Variants in NIBAN1 observed in about 807,000 individuals in gnomAD.
The protein encoded by NIBAN1 is protein Niban 1.
A neutral mutation model predicts 75.1 loss-of-function variants in NIBAN1; 81 were observed. That is an observed-to-expected ratio of 1.08 (90% confidence interval 0.90 to 1.30). The LOEUF (loss-of-function observed/expected upper bound fraction) is 1.30. Ranked by LOEUF, NIBAN1 falls within the 50% of genes most tolerant of loss-of-function variation. The pLI is 0.00. For synonymous variants in NIBAN1, 436 were observed against 424.8 expected, an observed-to-expected ratio of 1.03 and a Z score of -0.32; for missense variants, 1,133 against 1,128.1, an observed-to-expected ratio of 1.00 and a Z score of -0.06.
At chr1:184,801,877 C>A (rs965251372) in intron 12 of NIBAN1, among the ~76,000 whole-genome samples, 4 of 152,138 alleles carry the variant, frequency 2.6e-5, no homozygotes, top group African/African-American at 9.7e-5. Flanking sequence ...ATGAAGTGAC[C>A]AACTTTACAA....
intron 4 of NIBAN1, among the ~76,000 whole-genome samples, chr1:184,889,442 C>T (rs1451272385): frequency 1.3e-5 from 2 of 148,876 alleles, no homozygotes; most frequent in Admixed American, 1.3e-4. Flanking sequence ...TAATGCAATG[C>T]TTTTTTTTTT....
chr1:184,825,367 C>T (rs1338206099), intron 6 of NIBAN1, among the ~76,000 whole-genome samples: 2 of 151,770 alleles, frequency 1.3e-5, no homozygotes, highest in African/African-American at 4.9e-5. Context: ...CTGCTCATGG[C>T]CTGTCTAATA....
chr1:184,887,835 G>A (rs1420846384), intron 4 of NIBAN1: 1 of 152,098 alleles, frequency 6.6e-6, no homozygotes, highest in Non-Finnish European at 1.5e-5. Flanking sequence ...AAAACACGGG[G>A]GCATTTTTTT....
intron 5 of NIBAN1, among the ~76,000 whole-genome samples, chr1:184,841,350 T>C (rs1014963227): frequency 2.6e-5 from 4 of 152,126 alleles, no homozygotes; most frequent in African/African-American, 7.2e-5. Context: ...CCACAAAGCA[T>C]GTAAGGTTGA....
In NIBAN1 at chr1:184,926,564, C is replaced by T. The variant is rs1265169811; in HGVS notation, c.56-27255G>A. ...CTGTTGTATGTTATTTGTTTCTTTT[C>T]TCTTGCTTCTTTTAGGATCCTTTCT... is the stretch of plus-strand genomic sequence containing the variant. On this transcript the variant is annotated intron_variant, in intron 1 of 13. Coordinates refer to ENST00000367511, the MANE Select transcript of NIBAN1 (RefSeq NM_052966.4). Among the ~76,000 whole-genome samples, 4 of 152,158 alleles carry T rather than the reference C, an allele frequency of 2.6e-5. No individual in the cohort carries two copies. In the East Asian group the frequency reaches 7.7e-4, roughly 29 times the overall value.
intron 1 of NIBAN1, among the ~76,000 whole-genome samples, chr1:184,931,942 C>T (rs1317148187): frequency 1.3e-5 from 2 of 152,204 alleles, no homozygotes; most frequent in African/African-American, 4.8e-5. Context: ...GTCTTTAGCA[C>T]CCTCTCCATG....
chr1:184,934,753 G>A (rs1657911485), intron 1 of NIBAN1, among the ~76,000 whole-genome samples: 1 of 152,160 alleles, frequency 6.6e-6, no homozygotes, highest in African/African-American at 2.4e-5. Flanking sequence ...AAGTTAGCCG[G>A]GCATGGTGGC....
chr1:184,830,932 G>A (rs936651739), intron 6 of NIBAN1, among the ~76,000 whole-genome samples: 5 of 151,906 alleles, frequency 3.3e-5, no homozygotes, highest in East Asian at 1.9e-4. Context: ...CTAAGGAGGC[G>A]GAGGTTGCAG....
At chr1:184,853,530 A>G (rs904651684) in intron 5 of NIBAN1, among the ~76,000 whole-genome samples, 2 of 152,236 alleles carry the variant, frequency 1.3e-5, no homozygotes, top group African/African-American at 2.4e-5. Context: ...TTTTTAAAAC[A>G]AAAAGCAAAT....
At chr1:184,917,547 A>G (rs575025687) in intron 1 of NIBAN1, among the ~76,000 whole-genome samples, 1 of 151,704 alleles carries the variant, frequency 6.6e-6, no homozygotes, top group East Asian at 1.9e-4. Context: ...CACATCTTCA[A>G]AAGTATCCTT....
intron 1 of NIBAN1, among the ~76,000 whole-genome samples, chr1:184,971,347 T>C (rs1658930855): frequency 6.6e-6 from 1 of 151,612 alleles, no homozygotes; most frequent in Non-Finnish European, 1.5e-5. Flanking sequence ...TGATCACTGA[T>C]GCCTGGAATC....
chr1:184,917,309 A>T (rs1279215103), intron 1 of NIBAN1, among the ~76,000 whole-genome samples: 1 of 143,192 alleles, frequency 7.0e-6, no homozygotes, highest in Admixed American at 7.1e-5. Flanking sequence ...GGTTCATGCC[A>T]TTCTGCCTCA....
intron 7 of NIBAN1, 46 bp from the exon 8 acceptor site, chr1:184,823,375 G>A: frequency 1.9e-6 from 3 of 1,604,848 alleles, no homozygotes; most frequent in Non-Finnish European, 2.6e-6. Flanking sequence ...TCACGTGTAA[G>A]CACTGATGGA....
intron 1 of NIBAN1, among the ~76,000 whole-genome samples, chr1:184,917,202 CTTT>C (rs34437861): frequency 2.2e-5 from 3 of 137,498 alleles, no homozygotes; most frequent in Non-Finnish European, 4.7e-5. Context: ...ATCTCTTCCA[CTTT>C]TTTTTTTTTT....
chr1:184,908,708 T>C (rs1657165514), intron 1 of NIBAN1, among the ~76,000 whole-genome samples: 1 of 152,220 alleles, frequency 6.6e-6, no homozygotes. Flanking sequence ...GAAGAAGTGC[T>C]TGGAAATTTT....
intron 9 of NIBAN1, among the ~76,000 whole-genome samples, chr1:184,818,358 C>T (rs1316295106): frequency 6.6e-6 from 1 of 152,050 alleles, no homozygotes; most frequent in Non-Finnish European, 1.5e-5. Context: ...CTAAGTTTGC[C>T]TTTAATATAT....
chr1:184,918,788 A>T (rs1476093069), intron 1 of NIBAN1, among the ~76,000 whole-genome samples: 1 of 152,182 alleles, frequency 6.6e-6, no homozygotes, highest in Non-Finnish European at 1.5e-5. Context: ...CTCTCTCTCC[A>T]GTATAGCAGC....
At chr1:184,921,422 C>A (rs888437571) in intron 1 of NIBAN1, among the ~76,000 whole-genome samples, 2 of 152,054 alleles carry the variant, frequency 1.3e-5, no homozygotes, top group African/African-American at 2.4e-5. Context: ...AGAAACAGAA[C>A]CAGCTGAGCA....
intron 1 of NIBAN1, among the ~76,000 whole-genome samples, chr1:184,930,728 A>C (rs1243937555): frequency 6.6e-6 from 1 of 152,208 alleles, no homozygotes; most frequent in Non-Finnish European, 1.5e-5. Context: ...TACAACCACC[A>C]ACTTGGAAAA....
Sources: gnomAD v4.1 joint callset for allele counts (sites outside exome capture counted in the v4.1 genomes callset) on GRCh38, gnomAD v4.1.1 for gene constraint, MANE v1.5 for transcripts, NCBI Gene and HGNC (gene_info 2026-07-23, HGNC 2026-07-21) for gene names.